MPRIP: variants seen among roughly 807,000 people sequenced by gnomAD.
MPRIP encodes myosin phosphatase Rho-interacting protein.
MPRIP carries 59 observed loss-of-function variants against 234.9 expected under a neutral mutation model. The observed-to-expected ratio is 0.25, with a 90% confidence interval of 0.20 to 0.31. The LOEUF (loss-of-function observed/expected upper bound fraction) is 0.31. Ranked by LOEUF, MPRIP falls within the 10% of genes least tolerant of loss-of-function variation. The pLI is 1.00. For missense variants in MPRIP, 2,436 were observed against 3,071.0 expected, an observed-to-expected ratio of 0.79 and a Z score of 4.89; for synonymous variants, 1,144 against 1,263.9, an observed-to-expected ratio of 0.91 and a Z score of 2.01.
At chr17:17,059,557 CT>C (rs2088810031) in intron 1 of MPRIP, among the ~76,000 whole-genome samples, 5 of 152,366 alleles carry the variant, frequency 3.3e-5, no homozygotes, top group African/African-American at 1.2e-4. Flanking sequence ...ACGGTGTCCC[CT>C]GACTTCCATT....
chr17:17,127,209 T>C (rs887235572), intron 4 of MPRIP, among the ~76,000 whole-genome samples: 1 of 152,200 alleles, frequency 6.6e-6, no homozygotes, highest in African/African-American at 2.4e-5. Context: ...GGATGGCTGC[T>C]CCTCCTTCCA....
At chr17:17,084,137 G>C (rs907143948) in intron 3 of MPRIP, among the ~76,000 whole-genome samples, 1 of 152,212 alleles carries the variant, frequency 6.6e-6, no homozygotes, top group Non-Finnish European at 1.5e-5. Context: ...CACCTCCCGG[G>C]CATCTGATTC....
At chr17:17,115,704 CT>C (rs1156767525) in intron 3 of MPRIP, among the ~76,000 whole-genome samples, 1 of 152,330 alleles carries the variant, frequency 6.6e-6, no homozygotes, top group South Asian at 2.1e-4. Flanking sequence ...TGCTTCCCAT[CT>C]TTATCGATTG....
chr17:17,172,933 C>G (rs111877527), intron 18 of MPRIP, 118 bp downstream of exon 18: 22 of 875,448 alleles, frequency 2.5e-5, no homozygotes, highest in African/African-American at 1.8e-4. Context: ...GCCTGGGGCC[C>G]CTGGGTGCTG....
Position 17,176,441 on chromosome 17 carries a change from A to G in MPRIP, c.6886A>G (p.Lys2296Glu). Residue 2296 changes from lysine (K) to glutamate (E), a missense_variant, in exon 21 of 24, where the codon AAG becomes GAG. Transcript: ENST00000651222. ...GTCATTTTAGGTCTTATTGCGGGTA[A>G]AGGAATCGGAAATACAGTACCTGAA... The part of the protein sequence containing the change: ...AYELEVLLRV[K>E]ESEIQYLKQE... 3.7e-6 allele frequency: 6 copies of G among 1,613,894 alleles called. No homozygotes were observed. The highest frequency in any genetic ancestry group is 5.1e-6 in the Non-Finnish European group (6 of 1,179,836).
At chr17:17,178,633 T>G (rs2046308060) in intron 22 of MPRIP, 1 of 152,258 alleles carries the variant, frequency 6.6e-6, no homozygotes, top group South Asian at 2.1e-4. Context: ...ACTCCTGTGC[T>G]GGCCAGGTGC....
chr17:17,115,957 G>T (rs891853564), intron 3 of MPRIP, among the ~76,000 whole-genome samples: 4 of 152,120 alleles, frequency 2.6e-5, no homozygotes, highest in African/African-American at 4.8e-5. Flanking sequence ...CTTTGCACAC[G>T]TGTCATCCTG....
intron 1 of MPRIP, among the ~76,000 whole-genome samples, chr17:17,068,805 A>T (rs1425459175): frequency 2.6e-5 from 4 of 152,096 alleles, no homozygotes; most frequent in Non-Finnish European, 5.9e-5. Flanking sequence ...TAGTGCTGGG[A>T]TTACAGGTGT....
chr17:17,123,102 G>GA (rs1277176189), intron 3 of MPRIP, among the ~76,000 whole-genome samples: 4 of 152,218 alleles, frequency 2.6e-5, no homozygotes, highest in African/African-American at 9.6e-5. Context: ...CTAAATCCTT[G>GA]AAAATATGCT....
intron 7 of MPRIP, 124 bp from the exon 8 acceptor site, chr17:17,142,503 C>T: frequency 8.5e-7 from 1 of 1,169,742 alleles, no homozygotes; most frequent in Non-Finnish European, 1.2e-6. Context: ...TCTAGACAAC[C>T]TCGGTGCTGT....
In MPRIP at chr17:17,158,852, C is replaced by T; in HGVS notation, c.2250C>T (p.Val750=). Residue 750 remains valine (V), a synonymous_variant, in exon 14 of 24, where the codon GTC becomes GTT. Coordinates refer to ENST00000651222, the MANE Select transcript of MPRIP (RefSeq NM_001364716.4). Reference sequence around the variant, plus strand: ...TGAGCGACCTCAAAACGCATAACGTCCACGTGGAGATTGAGCAGCGGTGGC... The same window carrying T: ...TGAGCGACCTCAAAACGCATAACGTTCACGTGGAGATTGAGCAGCGGTGGC... ...LPMSDLKTHN[V]HVEIEQRWHQ... 6.2e-7 allele frequency: 1 copy of T among 1,611,832 alleles called. No homozygotes were observed. Among genetic ancestry groups the T allele is most frequent in the Non-Finnish European group, 8.5e-7 (1 of 1,180,002 alleles).
At chr17:17,069,573 T>C (rs2089143721) in intron 1 of MPRIP, among the ~76,000 whole-genome samples, 1 of 152,084 alleles carries the variant, frequency 6.6e-6, no homozygotes, top group African/African-American at 2.4e-5. Context: ...GTTTTTTAAG[T>C]GTATCTCTTT....
At position 17,167,594 on chromosome 17, in the gene MPRIP, G is replaced by C; in HGVS notation, c.6003G>C (p.Arg2001Ser). 1 of 1,304,268 alleles carries C rather than the reference G, an allele frequency of 7.7e-7. No homozygotes were observed. The highest frequency in any genetic ancestry group is 1.0e-6 in the Non-Finnish European group (1 of 988,948). The allele number at this position is 1,304,268 out of a possible 1,614,324, so 80.8% of individuals were successfully genotyped here. The change falls in exon 16 of 24, where the codon AGG becomes AGC. Residue 2001 changes from arginine (R) to serine (S), a missense_variant. This residue lies in a region of MPRIP where 1,998 missense variants were observed against 2,520.3 expected (regional missense o/e 0.79). Coordinates refer to ENST00000651222, the MANE Select transcript of MPRIP (RefSeq NM_001364716.4). The surrounding 1 kb of genome is among the most constrained non-coding windows in gnomAD (Gnocchi z 5.9). ...HGEQIQTLEDRFQLKVRELQT... is the reference protein window; with the variant it reads ...HGEQIQTLEDSFQLKVRELQT... ...AGCAGATACAGACCCTGGAGGACAGGTTCCAGCTCAAGGTCCGGGAGCTGC... is the reference window on the plus strand; with the variant it reads ...AGCAGATACAGACCCTGGAGGACAGCTTCCAGCTCAAGGTCCGGGAGCTGC...
At chr17:17,070,060 G>A (rs1232732787) in intron 1 of MPRIP, among the ~76,000 whole-genome samples, 1 of 152,184 alleles carries the variant, frequency 6.6e-6, no homozygotes, top group East Asian at 1.9e-4. Flanking sequence ...TTCAGCACCA[G>A]AAAAGTAGTG....
At chr17:17,100,556 A>G (rs559425609) in intron 3 of MPRIP, among the ~76,000 whole-genome samples, 2 of 152,266 alleles carry the variant, frequency 1.3e-5, no homozygotes, top group Non-Finnish European at 2.9e-5. Flanking sequence ...GCGAGCTAGC[A>G]TTACTGCCTG....
chr17:17,174,820 G>C (rs535133592), intron 19 of MPRIP, among the ~76,000 whole-genome samples: 3 of 151,170 alleles, frequency 2.0e-5, no homozygotes, highest in Non-Finnish European at 2.9e-5. Flanking sequence ...AAAAAGATTT[G>C]CTTGCTCCTT....
chr17:17,147,430 G>A, intron 11 of MPRIP, 43 bp downstream of exon 11: 4 of 1,577,680 alleles, frequency 2.5e-6, no homozygotes, highest in Non-Finnish European at 3.5e-6. Context: ...ACAGCTGGAG[G>A]GGTCCAGGCG....
Position 17,054,339 on chromosome 17 carries a change from T to C in MPRIP, c.123+11368T>C, listed in dbSNP as rs118165584. Among the ~76,000 whole-genome samples the C allele has an allele frequency of 4.6e-5, 7 of 152,358 alleles. 1 individual carries two copies. In the East Asian group the frequency reaches 1.3e-3, roughly 29 times the overall value. On this transcript the variant is annotated intron_variant, in intron 1 of 23. Transcript: ENST00000651222. ...GCTGAGTGCTTCTTACTGCATAGTT[T>C]ATTGTCATGTGTTTGTGTGATTATC...
chr17:17,064,584 A>C (rs1029901668), intron 1 of MPRIP, among the ~76,000 whole-genome samples: 2 of 152,154 alleles, frequency 1.3e-5, no homozygotes, highest in African/African-American at 4.8e-5. Flanking sequence ...GCCACCCAGG[A>C]ATCCTGCTCC....
Sources: allele counts gnomAD v4.1 joint callset (sites outside exome capture counted in the v4.1 genomes callset), GRCh38; gene constraint gnomAD v4.1.1; regional missense constraint gnomAD v4.1.1; non-coding constraint Gnocchi (gnomAD v3.1); transcripts MANE v1.5; gene names NCBI Gene and HGNC (gene_info 2026-07-23, HGNC 2026-07-21).